The following ELF4 variants were observed in gnomAD, a reference collection of about 807,000 sequenced individuals.
The protein encoded by ELF4 is E74 like ETS transcription factor 4, also known as ETS-related transcription factor Elf-4.
ELF4 carries 10 observed loss-of-function variants against 31.7 expected under a neutral mutation model. That is an observed-to-expected ratio of 0.32 (90% CI 0.19 to 0.54). ELF4 has a LOEUF of 0.54. Ranked by LOEUF, ELF4 falls within the 20% of genes least tolerant of loss-of-function variation. The pLI is 0.95. For missense variants in ELF4, 418 were observed against 522.0 expected (o/e 0.80, Z 1.94); for synonymous variants, 208 against 226.7 (o/e 0.92, Z 0.74).
chrX:130,069,107 C>G (rs1712042691), intron 8 of ELF4, among the ~76,000 whole-genome samples, 193 bp downstream of exon 8: 1 of 110,283 alleles, frequency 9.1e-6, no homozygotes. Flanking sequence ...ACCTGTAATC[C>G]CAGCTACTCG....
rs747659529 is a variant in ELF4, at chrX:130,072,220, A to G, written c.532+6T>C. 8.7e-7 allele frequency: 1 copy of G among 1,146,938 alleles called. No homozygotes were observed. Among genetic ancestry groups the G allele is most frequent in the Admixed American group, 2.3e-5 (1 of 44,079 alleles). The allele number at this position is 1,146,938 out of a possible 1,213,427, so 94.5% of individuals were successfully genotyped here. On this transcript the variant is annotated splice_donor_region_variant and intron_variant, in intron 5 of 8. Coordinates refer to ENST00000308167, the MANE Select transcript of ELF4 (RefSeq NM_001421.4). The stretch of plus-strand genomic sequence containing the variant: ...GACACACATACACTCACTCTCCCCC[A>G]CTTACTTCTCTTCTTTGATTTCCCA...
intron 1 of ELF4, among the ~76,000 whole-genome samples, chrX:130,108,651 G>C (rs754090856): frequency 9.0e-6 from 1 of 111,081 alleles, no homozygotes; most frequent in East Asian, 2.8e-4. Context: ...GTGAATTTTG[G>C]GCCCCTAGGT....
chrX:130,067,643 G>GT (rs1224614884), intron 8 of ELF4, 118 bp from the exon 9 acceptor site: 1 of 815,619 alleles, frequency 1.2e-6, no homozygotes, highest in East Asian at 3.3e-5. Context: ...GCTGTTTGTT[G>GT]TTTTTTTCTT....
chrX:130,104,319 C>CACACACACACACACACA, intron 1 of ELF4, among the ~76,000 whole-genome samples: 1 of 107,279 alleles, frequency 9.3e-6, no homozygotes, highest in Non-Finnish European at 1.9e-5. Context: ...CACACACACA[C>CACACACACACACACACA]CTTCTATTAC....
chrX:130,091,863 C>T (rs1211550834), intron 1 of ELF4, among the ~76,000 whole-genome samples: 1 of 111,618 alleles, frequency 9.0e-6, no homozygotes, highest in African/African-American at 3.3e-5. Context: ...TGATCAACTG[C>T]ATTACCATCT....
At chrX:130,086,535 T>C in intron 1 of ELF4, among the ~76,000 whole-genome samples, 1 of 111,912 alleles carries the variant, frequency 8.9e-6, no homozygotes, top group Non-Finnish European at 1.9e-5. Flanking sequence ...GTAGACTGCC[T>C]AGGGCCGGGG....
chrX:130,084,832 C>T (rs1445726165), intron 1 of ELF4, among the ~76,000 whole-genome samples: 2 of 111,783 alleles, frequency 1.8e-5, no homozygotes, highest in East Asian at 5.6e-4. Flanking sequence ...AGTGAACCCC[C>T]CCTTCAGTCC....
chrX:130,100,755 C>G (rs1185566939), intron 1 of ELF4, among the ~76,000 whole-genome samples: 1 of 111,822 alleles, frequency 8.9e-6, no homozygotes, highest in Non-Finnish European at 1.9e-5. Context: ...TCACGTGTAT[C>G]TCTTGTTTCC....
At chrX:130,104,277 T>TACACAC (rs61193112) in intron 1 of ELF4, among the ~76,000 whole-genome samples, 5,363 of 86,347 alleles carry the variant, frequency 0.062, 194 homozygotes, top group African/African-American at 0.093. Context: ...TTCAGTATAT[T>TACACAC]ACACACACAC....
chrX:130,098,551 C>T (rs963318106), intron 1 of ELF4, among the ~76,000 whole-genome samples: 1 of 111,877 alleles, frequency 8.9e-6, no homozygotes, highest in African/African-American at 3.2e-5. Flanking sequence ...CTTGGCCAAT[C>T]CATACCCAGG....
chrX:130,094,131 A>AAGGTGGGCGGATCATGAGGTC (rs772917451), intron 1 of ELF4, among the ~76,000 whole-genome samples: 1 of 111,358 alleles, frequency 9.0e-6, no homozygotes, highest in Non-Finnish European at 1.9e-5. Flanking sequence ...TTTGGAGGCC[A>AAGGTGGGCGGATCATGAGGTC]AGGTGGGCGG....
At chrX:130,079,984 G>A (rs1932871930) in intron 2 of ELF4, among the ~76,000 whole-genome samples, 1 of 112,074 alleles carries the variant, frequency 8.9e-6, no homozygotes, top group South Asian at 3.7e-4. Flanking sequence ...CCACTAGGGG[G>A]CAGGCTTTGG....
chrX:130,067,884 C>G (rs1932724856), intron 8 of ELF4, among the ~76,000 whole-genome samples: 1 of 111,118 alleles, frequency 9.0e-6, no homozygotes, highest in African/African-American at 3.3e-5. Flanking sequence ...GCAATCTTGG[C>G]TTACTGCAAC....
intron 5 of ELF4, among the ~76,000 whole-genome samples, chrX:130,071,945 G>A (rs1302708896): frequency 1.8e-5 from 2 of 112,548 alleles, no homozygotes; most frequent in South Asian, 3.7e-4. Flanking sequence ...CCAGGGGGCC[G>A]AGCCTGGTGT....
chrX:130,064,591 G>A lies in ELF4; in HGVS notation c.*2130C>T, dbSNP rs1469821876. 8.9e-6 allele frequency among the ~76,000 whole-genome samples: 1 copy of A among 112,041 alleles called. No individual in the cohort carries two copies. Among genetic ancestry groups the A allele is most frequent in the South Asian group, 3.8e-4 (1 of 2,666 alleles). The stretch of plus-strand genomic sequence containing the variant: ...AGCTCTAGATTTAGGACCCATCTCC[G>A]AGGAGCCAAAATGAGCCCAAAATGG... On this transcript the variant is annotated 3_prime_UTR_variant, in exon 9 of 9. Coordinates refer to ENST00000308167, the MANE Select transcript of ELF4 (RefSeq NM_001421.4).
At chrX:130,101,801 AAAAACAAAACAAAACAAAAC>A (rs3080372) in intron 1 of ELF4, among the ~76,000 whole-genome samples, 2 of 97,339 alleles carry the variant, frequency 2.1e-5, no homozygotes, top group Admixed American at 1.1e-4. Flanking sequence ...CTCCGTCTCA[AAAAACAAAACAAAACAAAAC>A]AAAACAAAAC....
intron 1 of ELF4, among the ~76,000 whole-genome samples, chrX:130,104,309 C>G (rs972341820): frequency 1.5e-4 from 16 of 109,692 alleles, no homozygotes; most frequent in African/African-American, 5.3e-4. Context: ...CACACACACA[C>G]ACACACACAC....
At chrX:130,083,012 G>A (rs1246718063) in intron 1 of ELF4, among the ~76,000 whole-genome samples, 3 of 110,394 alleles carry the variant, frequency 2.7e-5, no homozygotes, top group Admixed American at 1.9e-4. Flanking sequence ...CCTGATGACC[G>A]CTCTCCCCCA....
At chrX:130,099,384 G>T (rs1337774428) in intron 1 of ELF4, among the ~76,000 whole-genome samples, 1 of 111,363 alleles carries the variant, frequency 9.0e-6, no homozygotes, top group Admixed American at 9.5e-5. Context: ...GACCAACCTG[G>T]CTAACATGGT....
Sources: gnomAD v4.1 joint callset for allele counts (sites outside exome capture counted in the v4.1 genomes callset) on GRCh38, gnomAD v4.1.1 for gene constraint, MANE v1.5 for transcripts, NCBI Gene and HGNC (gene_info 2026-07-23, HGNC 2026-07-21) for gene names.